PREX2: variants seen among roughly 807,000 people sequenced by gnomAD.
The protein encoded by PREX2 is phosphatidylinositol 3,4,5-trisphosphate-dependent Rac exchanger 2 protein.
PREX2 carries 107 observed loss-of-function variants against 203.2 expected under a neutral mutation model. That is an observed-to-expected ratio of 0.53 (90% confidence interval 0.45 to 0.62). The LOEUF (loss-of-function observed/expected upper bound fraction) is 0.62. Among genes scored for constraint, PREX2 ranks in the 20% least tolerant of loss-of-function variants. The pLI is 0.00. For synonymous variants in PREX2, 672 were observed against 663.6 expected (o/e 1.01, Z -0.19); for missense variants, 1,777 against 1,955.9 (o/e 0.91, Z 1.72).
chr8:68,186,238 C>T (rs1318443734), intron 35 of PREX2, among the ~76,000 whole-genome samples: 1 of 152,080 alleles, frequency 6.6e-6, no homozygotes, highest in Non-Finnish European at 1.5e-5. Flanking sequence ...ATTTATATTA[C>T]ATAGGAGTAT....
chr8:68,209,716 C>A (rs918233062), intron 37 of PREX2, among the ~76,000 whole-genome samples: 1 of 152,120 alleles, frequency 6.6e-6, no homozygotes, highest in South Asian at 2.1e-4. Context: ...ATTTCAAATT[C>A]GTTAACAAAT....
At chr8:68,173,046 T>C (rs376025890) in intron 35 of PREX2, among the ~76,000 whole-genome samples, 143 of 152,316 alleles carry the variant, frequency 9.4e-4, no homozygotes, top group African/African-American at 3.0e-3. Flanking sequence ...TGTGTTTTAA[T>C]TGGACTTGTT....
intron 38 of PREX2, chr8:68,223,268 A>C (rs771175081): frequency 2.0e-5 from 3 of 152,200 alleles, no homozygotes; most frequent in Non-Finnish European, 4.4e-5. Context: ...CTGTAAAATT[A>C]CTTCAAAATA....
intron 6 of PREX2, among the ~76,000 whole-genome samples, chr8:68,037,109 C>A (rs1182810688): frequency 6.6e-6 from 1 of 152,008 alleles, no homozygotes; most frequent in Non-Finnish European, 1.5e-5. Flanking sequence ...ACCAGAGAAA[C>A]TATTATCAGT....
intron 14 of PREX2, among the ~76,000 whole-genome samples, chr8:68,074,378 C>T (rs1809287227): frequency 6.6e-6 from 1 of 152,176 alleles, no homozygotes; most frequent in African/African-American, 2.4e-5. Context: ...CTGATGCCAG[C>T]TGTGCTAGTA....
chr8:68,066,961 C>T (rs1466750586), intron 11 of PREX2, among the ~76,000 whole-genome samples: 1 of 152,058 alleles, frequency 6.6e-6, no homozygotes, highest in East Asian at 1.9e-4. Flanking sequence ...ATCCAGTTTT[C>T]CCAGCATCAT....
intron 37 of PREX2, among the ~76,000 whole-genome samples, chr8:68,206,123 A>T (rs1340503188): frequency 6.6e-6 from 1 of 152,180 alleles, no homozygotes; most frequent in Non-Finnish European, 1.5e-5. Flanking sequence ...AGAGTCCTAG[A>T]TTTTGAGTCC....
chr8:68,126,253 C>G (rs536152450), intron 30 of PREX2, among the ~76,000 whole-genome samples: 39 of 152,150 alleles, frequency 2.6e-4, no homozygotes, highest in African/African-American at 8.9e-4. Flanking sequence ...GAATTCTATA[C>G]CAACTTTGGC....
rs1211941220 is a variant in PREX2, at chr8:68,072,581, A to C, written c.1569+11A>C. The stretch of plus-strand genomic sequence containing the variant: ...TGGTTAATTGCACAGGTAAATAGAC[A>C]AATAGAAGTTGCTGAGTTTCACTTG... On this transcript the variant is annotated intron_variant, in intron 14 of 39. Coordinates refer to ENST00000288368, the MANE Select transcript of PREX2 (RefSeq NM_024870.4). 11 of 1,512,594 alleles carry C rather than the reference A, an allele frequency of 7.3e-6. No individual in the cohort carries two copies. Among genetic ancestry groups the C allele is most frequent in the Non-Finnish European group, 1.0e-5 (11 of 1,091,026 alleles). 93.7% of individuals were successfully genotyped at this position (1,512,594 alleles called of 1,614,324 possible).
chr8:67,973,463 T>G (rs886449932), intron 1 of PREX2, among the ~76,000 whole-genome samples: 14 of 152,182 alleles, frequency 9.2e-5, no homozygotes, highest in African/African-American at 3.4e-4. Flanking sequence ...TACTTATGTA[T>G]GCTCTTCTTT....
rs558420007 is a variant in PREX2, at chr8:68,222,543, G to A, written c.4708-2016G>A. ...TACTTGAATAAATAAATAATTTGGGGAGAAGAGATTACTCTTTTTAACAGA... is the reference window on the plus strand; with the variant it reads ...TACTTGAATAAATAAATAATTTGGGAAGAAGAGATTACTCTTTTTAACAGA... On this transcript the variant is annotated intron_variant, in intron 38 of 39. Transcript: ENST00000288368. Among the ~76,000 whole-genome samples, 37 of 151,990 alleles carry A rather than the reference G, an allele frequency of 2.4e-4. 1 individual carries two copies. In the South Asian group the frequency reaches 7.3e-3, roughly 30 times the overall value.
At chr8:68,095,852 A>G (rs1014137092) in intron 21 of PREX2, among the ~76,000 whole-genome samples, 16 of 152,050 alleles carry the variant, frequency 1.1e-4, no homozygotes, top group African/African-American at 3.9e-4. Context: ...CATGTTGCCC[A>G]GGCTGGTTTC....
At chr8:67,972,157 C>T (rs569580631) in intron 1 of PREX2, among the ~76,000 whole-genome samples, 5 of 152,116 alleles carry the variant, frequency 3.3e-5, no homozygotes, top group Non-Finnish European at 4.4e-5. Context: ...AGTTCACTGC[C>T]GTGAGGGGCT....
At chr8:67,991,357 A>C (rs1806601219) in intron 1 of PREX2, among the ~76,000 whole-genome samples, 1 of 152,196 alleles carries the variant, frequency 6.6e-6, no homozygotes, top group Admixed American at 6.5e-5. Context: ...TGAGTACATT[A>C]GTCCATACGC....
chr8:68,025,092 T>C, intron 4 of PREX2, among the ~76,000 whole-genome samples: 1 of 152,088 alleles, frequency 6.6e-6, no homozygotes, highest in East Asian at 1.9e-4. Context: ...TCTCTGGTGC[T>C]CTTATTTCTT....
chr8:68,148,354 T>TAA (rs749746007), intron 34 of PREX2, among the ~76,000 whole-genome samples: 9 of 152,220 alleles, frequency 5.9e-5, no homozygotes, highest in African/African-American at 2.2e-4. Context: ...AGCCAGGACT[T>TAA]ACAATTGTTA....
At chr8:68,068,022 T>C (rs535727857) in intron 11 of PREX2, among the ~76,000 whole-genome samples, 69 of 152,202 alleles carry the variant, frequency 4.5e-4, no homozygotes, top group Non-Finnish European at 6.9e-4. Flanking sequence ...AATTTTTCAT[T>C]TGCATGTGTT....
intron 35 of PREX2, among the ~76,000 whole-genome samples, chr8:68,181,867 G>T (rs1296756825): frequency 1.3e-5 from 2 of 152,066 alleles, no homozygotes; most frequent in African/African-American, 4.8e-5. Context: ...ACTGTACATT[G>T]TCTCTGTTTT....
chr8:68,030,936 T>C (rs1314825585), intron 6 of PREX2, among the ~76,000 whole-genome samples: 1 of 152,162 alleles, frequency 6.6e-6, no homozygotes, highest in African/African-American at 2.4e-5. Context: ...TGCATCATGA[T>C]GATCCTGTTC....
Sources: allele counts gnomAD v4.1 joint callset (sites outside exome capture counted in the v4.1 genomes callset), GRCh38; gene constraint gnomAD v4.1.1; transcripts MANE v1.5; gene names NCBI Gene and HGNC (gene_info 2026-07-23, HGNC 2026-07-21).